The following SNX29 variants were observed in gnomAD, a reference collection of about 807,000 sequenced individuals.
The protein encoded by SNX29 is sorting nexin 29.
In SNX29, 78 loss-of-function variants were observed where a neutral mutation model predicts 102.1. That is an observed-to-expected ratio of 0.76 (90% confidence interval 0.64 to 0.92). The LOEUF (loss-of-function observed/expected upper bound fraction) is 0.92, where lower values mean the gene tolerates loss of function less well. Ranked by LOEUF, SNX29 falls within the 40% of genes least tolerant of loss-of-function variation. The probability of loss-of-function intolerance (pLI) is 0.00; values close to 1 mark genes in which losing one functional copy is unlikely to be tolerated. For missense variants in SNX29, 1,280 were observed against 1,061.7 expected, an observed-to-expected ratio of 1.21 and a Z score of -2.86; for synonymous variants, 580 against 414.5, an observed-to-expected ratio of 1.40 and a Z score of -4.85.
intron 14 of SNX29, among the ~76,000 whole-genome samples, chr16:12,241,821 G>T: frequency 6.6e-6 from 1 of 152,178 alleles, no homozygotes; most frequent in African/African-American, 2.4e-5. Context: ...ATCCATGATG[G>T]GTCCATCATC....
intron 13 of SNX29, among the ~76,000 whole-genome samples, chr16:12,147,838 C>T (rs1049639158): frequency 1.3e-5 from 2 of 152,204 alleles, no homozygotes; most frequent in African/African-American, 4.8e-5. Context: ...TGTGAATGCC[C>T]TGCAGGCGGT....
chr16:12,169,177 T>C (rs926451168), intron 13 of SNX29, among the ~76,000 whole-genome samples: 1 of 152,202 alleles, frequency 6.6e-6, no homozygotes, highest in African/African-American at 2.4e-5. Flanking sequence ...GTGAATTGTT[T>C]GGTATGTGAA....
chr16:12,254,458 T>C (rs565702600), intron 14 of SNX29, among the ~76,000 whole-genome samples: 19 of 152,206 alleles, frequency 1.2e-4, no homozygotes, highest in African/African-American at 4.6e-4. Context: ...GAGACCAGCC[T>C]GGCCATCCCC....
At chr16:12,354,762 G>T (rs1242382062) in intron 15 of SNX29, among the ~76,000 whole-genome samples, 2 of 152,134 alleles carry the variant, frequency 1.3e-5, no homozygotes, top group Non-Finnish European at 2.9e-5. Context: ...GTTTGTTAAA[G>T]GCCCAAAGAC....
intron 8 of SNX29, 37 bp from the exon 9 acceptor site, chr16:12,061,491 C>G: frequency 1.3e-6 from 2 of 1,538,054 alleles, no homozygotes; most frequent in Non-Finnish European, 1.8e-6. Flanking sequence ...CCTGTGGGCT[C>G]TTTGGCCTGT....
At chr16:12,517,947 G>C (rs1056997477) in intron 19 of SNX29, among the ~76,000 whole-genome samples, 5 of 152,144 alleles carry the variant, frequency 3.3e-5, no homozygotes, top group Non-Finnish European at 5.9e-5. Flanking sequence ...TGCTGGACAT[G>C]AGAAGAAACT....
rs146298569 is a variant in SNX29 at position 12,384,740 on chromosome 16, A to G, written c.1900-13706A>G. Among the ~76,000 whole-genome samples the G allele has an allele frequency of 6.7e-3, 1,022 of 152,166 alleles. 10 individuals carry two copies. Among genetic ancestry groups the G allele is most frequent in the African/African-American group, 0.023 (973 of 41,500 alleles). On this transcript the variant is annotated intron_variant, in intron 16 of 20. Coordinates refer to ENST00000566228, the MANE Select transcript of SNX29 (RefSeq NM_032167.5). ...GAACTTGATGTGATCCCATTTGTCC[A>G]TTTTTGCTTTGGTTGCCTGCTGGGG...
At chr16:12,032,199 TCTTC>T (rs1347255854) in intron 4 of SNX29, among the ~76,000 whole-genome samples, 42 of 148,906 alleles carry the variant, frequency 2.8e-4, no homozygotes, top group African/African-American at 1.0e-3. Flanking sequence ...TTCTTCTTCT[TCTTC>T]TTTTTTTTTT....
intron 14 of SNX29, among the ~76,000 whole-genome samples, chr16:12,221,547 G>T (rs554963890): frequency 6.6e-6 from 1 of 152,188 alleles, no homozygotes; most frequent in Non-Finnish European, 1.5e-5. Flanking sequence ...CCGGGAGGTG[G>T]AGGTTGCAGT....
At chr16:12,048,144 A>G (rs1490834816) in intron 6 of SNX29, among the ~76,000 whole-genome samples, 1 of 147,614 alleles carries the variant, frequency 6.8e-6, no homozygotes, top group Non-Finnish European at 1.5e-5. Context: ...CCCCAGTTTC[A>G]TGGGAGGTTT....
At chr16:12,435,022 G>C (rs1024903309) in intron 18 of SNX29, among the ~76,000 whole-genome samples, 14 of 152,114 alleles carry the variant, frequency 9.2e-5, no homozygotes, top group African/African-American at 2.9e-4. Context: ...GCTGTGATCT[G>C]TGACCAGGTC....
At chr16:12,263,157 G>C (rs1005097814) in intron 14 of SNX29, among the ~76,000 whole-genome samples, 2 of 148,820 alleles carry the variant, frequency 1.3e-5, no homozygotes, top group African/African-American at 5.0e-5. Context: ...TTTGAGACAG[G>C]ATCTCACTCT....
intron 15 of SNX29, among the ~76,000 whole-genome samples, chr16:12,342,021 G>C (rs2081623928): frequency 6.6e-6 from 1 of 152,166 alleles, no homozygotes; most frequent in African/African-American, 2.4e-5. Context: ...CTGAGAACGT[G>C]AACTCTTTTA....
rs117793182 is a variant in SNX29, at chr16:12,229,169, T to A, written c.1678+29486T>A. ...ATTTGCAGTATGTCTTATTTATTCC[T>A]GGTTTGAACTTGTTTTCGGTTTCTC... On this transcript the variant is annotated intron_variant, in intron 14 of 20. Coordinates refer to ENST00000566228, the MANE Select transcript of SNX29 (RefSeq NM_032167.5). Among the ~76,000 whole-genome samples the A allele has an allele frequency of 3.2e-3, 482 of 152,372 alleles. 3 individuals carry two copies. Among genetic ancestry groups the A allele is most frequent in the Admixed American group, 4.1e-3 (63 of 15,306 alleles).
rs562688872 is a variant in SNX29 at position 12,572,369 on chromosome 16, C to A, written c.*3740C>A. 6.6e-6 allele frequency: 7 copies of A among 1,062,968 alleles called. No individual in the cohort carries two copies. In the African/African-American group the frequency reaches 8.2e-5, roughly 12 times the overall value. 65.8% of individuals were successfully genotyped at this position (1,062,968 alleles called of 1,614,324 possible). On this transcript the variant is annotated 3_prime_UTR_variant, in exon 21 of 21. Transcript: ENST00000566228. ...GTTGATGGACAGCAGGCTCTGCCTTCTGGAGGCGGCTTATATCCCAACAGC... is the reference window on the plus strand; with the variant it reads ...GTTGATGGACAGCAGGCTCTGCCTTATGGAGGCGGCTTATATCCCAACAGC...
At chr16:12,562,623 G>GCTAT (rs2078791574) in intron 20 of SNX29, among the ~76,000 whole-genome samples, 1 of 152,194 alleles carries the variant, frequency 6.6e-6, no homozygotes, top group Admixed American at 6.5e-5. Context: ...AGAGCTACAG[G>GCTAT]CTATCAGGGT....
chr16:12,226,004 A>G (rs756209882), intron 14 of SNX29, among the ~76,000 whole-genome samples: 1 of 152,230 alleles, frequency 6.6e-6, no homozygotes, highest in Non-Finnish European at 1.5e-5. Flanking sequence ...CCGGCATTCT[A>G]GCAAGGGGCA....
intron 18 of SNX29, among the ~76,000 whole-genome samples, chr16:12,460,028 G>C (rs113088703): frequency 4.5e-4 from 68 of 152,306 alleles, no homozygotes; most frequent in African/African-American, 1.6e-3. Flanking sequence ...CTTCCATGCA[G>C]CCAGAGAAGC....
At position 12,477,772 on chromosome 16, in the gene SNX29, G is replaced by A. The variant is rs768939401; in HGVS notation, c.2091G>A (p.Glu697=). ...GGAATATTTATCGCCGGTATACAGA[G>A]TTCAGGAGTTTGCACCACAAGTTAC... ...DEWNIYRRYT[E]FRSLHHKLQN... The change falls in exon 19 of 21, where the codon GAG becomes GAA. Residue 697 remains glutamate (E), a synonymous_variant. Transcript: ENST00000566228. 4.3e-6 allele frequency: 7 copies of A among 1,613,324 alleles called. No homozygotes were observed.
Sources: gnomAD v4.1 joint callset for allele counts (sites outside exome capture counted in the v4.1 genomes callset) on GRCh38, gnomAD v4.1.1 for gene constraint, MANE v1.5 for transcripts, NCBI Gene and HGNC (gene_info 2026-07-23, HGNC 2026-07-21) for gene names.